Variants in BNC2 observed in about 807,000 individuals in gnomAD.
BNC2 encodes the protein basonuclin zinc finger protein 2.
In BNC2, 20 loss-of-function variants were observed where a neutral mutation model predicts 76.3. The observed-to-expected ratio is 0.26, with a 90% CI of 0.18 to 0.38. The LOEUF (loss-of-function observed/expected upper bound fraction) is 0.38. Ranked by LOEUF, BNC2 falls within the 10% of genes least tolerant of loss-of-function variation. BNC2 has a pLI of 1.00. For missense variants in BNC2, 1,382 were observed against 1,399.8 expected (o/e 0.99, Z 0.20); for synonymous variants, 582 against 514.8 (o/e 1.13, Z -1.77).
At chr9:16,565,919 G>A (rs1318461050) in intron 4 of BNC2, among the ~76,000 whole-genome samples, 2 of 151,548 alleles carry the variant, frequency 1.3e-5, no homozygotes, top group Admixed American at 6.6e-5. Context: ...GGTATTCCAG[G>A]CAAAGCCAAT....
chr9:16,622,323 T>A (rs1820887195), intron 3 of BNC2, among the ~76,000 whole-genome samples: 1 of 152,200 alleles, frequency 6.6e-6, no homozygotes, highest in Non-Finnish European at 1.5e-5. Flanking sequence ...CTCCCTCTGA[T>A]GACTTTTAGA....
At chr9:16,523,861 G>A (rs960019835) in intron 5 of BNC2, among the ~76,000 whole-genome samples, 1 of 152,148 alleles carries the variant, frequency 6.6e-6, no homozygotes, top group Admixed American at 6.5e-5. Context: ...AGGAGGCAGA[G>A]ATTGCAGTGA....
chr9:16,712,733 G>T (rs912046848), intron 3 of BNC2, among the ~76,000 whole-genome samples: 3 of 152,196 alleles, frequency 2.0e-5, no homozygotes, highest in African/African-American at 7.2e-5. Flanking sequence ...TTTATCAGGT[G>T]TTTAAAAGAA....
At chr9:16,425,820 A>G (rs1479498353) in intron 6 of BNC2, among the ~76,000 whole-genome samples, 1 of 152,250 alleles carries the variant, frequency 6.6e-6, no homozygotes, top group African/African-American at 2.4e-5. Flanking sequence ...AATGCATAAA[A>G]AATGTTAATG....
intron 1 of BNC2, among the ~76,000 whole-genome samples, chr9:16,771,571 G>A (rs942480175): frequency 7.2e-5 from 11 of 152,116 alleles, no homozygotes; most frequent in Non-Finnish European, 1.3e-4. Context: ...TGCATGAATA[G>A]TCAGCAAAAA....
chr9:16,787,703 A>G (rs1280918483), intron 1 of BNC2, among the ~76,000 whole-genome samples: 1 of 152,094 alleles, frequency 6.6e-6, no homozygotes, highest in Non-Finnish European at 1.5e-5. Context: ...TCCTAGGCAA[A>G]AGGTAGATAA....
At chr9:16,628,537 A>C (rs1821064795) in intron 3 of BNC2, among the ~76,000 whole-genome samples, 6 of 152,152 alleles carry the variant, frequency 3.9e-5, no homozygotes, top group Admixed American at 3.9e-4. Context: ...ATGTATCTAA[A>C]TAAGTGAGGT....
intron 3 of BNC2, among the ~76,000 whole-genome samples, chr9:16,702,382 A>G (rs1186554823): frequency 6.6e-6 from 1 of 152,198 alleles, no homozygotes; most frequent in Non-Finnish European, 1.5e-5. Flanking sequence ...AACAGGATCC[A>G]ACAGAATCGG....
At chr9:16,812,476 G>C (rs113542341) in intron 1 of BNC2, among the ~76,000 whole-genome samples, 179 of 152,306 alleles carry the variant, frequency 1.2e-3, no homozygotes, top group African/African-American at 4.3e-3. Flanking sequence ...GCAGGTGTGA[G>C]ATCATCCCCA....
intron 5 of BNC2, among the ~76,000 whole-genome samples, chr9:16,507,318 G>GCTCCACTCCA (rs1248518273): frequency 7.2e-6 from 1 of 139,540 alleles, no homozygotes; most frequent in East Asian, 2.3e-4. Flanking sequence ...AGTGTGGAGT[G>GCTCCACTCCA]CAGTGGCTTG....
At chr9:16,564,169 A>G (rs1819098989) in intron 4 of BNC2, among the ~76,000 whole-genome samples, 2 of 152,184 alleles carry the variant, frequency 1.3e-5, no homozygotes, top group South Asian at 4.1e-4. Context: ...GATTAAAGAC[A>G]GAGTCTCTAG....
intron 3 of BNC2, among the ~76,000 whole-genome samples, chr9:16,706,236 T>A (rs1823669227): frequency 6.6e-6 from 1 of 152,232 alleles, no homozygotes; most frequent in South Asian, 2.1e-4. Context: ...CACTGAAGGA[T>A]GTCTTCCAGA....
intron 3 of BNC2, among the ~76,000 whole-genome samples, chr9:16,640,918 G>T (rs527236548): frequency 6.6e-6 from 1 of 152,176 alleles, no homozygotes; most frequent in South Asian, 2.1e-4. Flanking sequence ...AGAAAGAGAG[G>T]TGTCTAAGAA....
chr9:16,455,972 T>C (rs1251161012), intron 5 of BNC2, among the ~76,000 whole-genome samples: 1 of 152,162 alleles, frequency 6.6e-6, no homozygotes, highest in Non-Finnish European at 1.5e-5. Context: ...GTGAATTGCT[T>C]CTCTCTGTGA....
At chr9:16,727,077 C>G (rs1824352482) in intron 3 of BNC2, 1 of 152,400 alleles carries the variant, frequency 6.6e-6, no homozygotes, top group Non-Finnish European at 1.5e-5. Context: ...GGAGGAGCGG[C>G]TCTGGGGAAG....
chr9:16,584,497 T>C (rs1819716739), intron 3 of BNC2, among the ~76,000 whole-genome samples: 1 of 152,186 alleles, frequency 6.6e-6, no homozygotes, highest in Non-Finnish European at 1.5e-5. Context: ...GTTGGAGTCC[T>C]CACTGTAGAC....
intron 3 of BNC2, chr9:16,699,325 A>G (rs1823440105): frequency 1.1e-5 from 4 of 373,168 alleles, no homozygotes; most frequent in South Asian, 8.5e-5. Flanking sequence ...GAAATGTATT[A>G]ATTCAATCAG....
chr9:16,563,327 A>C (rs1464135406), intron 4 of BNC2, among the ~76,000 whole-genome samples: 2 of 152,162 alleles, frequency 1.3e-5, no homozygotes, highest in African/African-American at 4.8e-5. Flanking sequence ...ACTAACGATT[A>C]AATTTATAGG....
chr9:16,691,118 C>A (rs1473890766), intron 3 of BNC2, among the ~76,000 whole-genome samples: 1 of 152,168 alleles, frequency 6.6e-6, no homozygotes, highest in African/African-American at 2.4e-5. Flanking sequence ...CCTGGTGACA[C>A]CCTGAGGAGC....
Sources: allele counts gnomAD v4.1 joint callset (sites outside exome capture counted in the v4.1 genomes callset), GRCh38; gene constraint gnomAD v4.1.1; transcripts MANE v1.5; gene names NCBI Gene and HGNC (gene_info 2026-07-23, HGNC 2026-07-21).